Variants in SCFD1 observed in about 807,000 individuals in gnomAD.
SCFD1 encodes the protein sec1 family domain containing 1, also known as sec1 family domain-containing protein 1.
SCFD1 carries 37 observed loss-of-function variants against 103.2 expected under a neutral mutation model. That is an observed-to-expected ratio of 0.36 (90% CI 0.28 to 0.47). The LOEUF (loss-of-function observed/expected upper bound fraction) is 0.47. Ranked by LOEUF, SCFD1 falls within the 20% of genes least tolerant of loss-of-function variation. The pLI is 1.00. For synonymous variants in SCFD1, 264 were observed against 245.0 expected, an observed-to-expected ratio of 1.08 and a Z score of -0.73; for missense variants, 639 against 761.2, an observed-to-expected ratio of 0.84 and a Z score of 1.89.
At chr14:30,652,543 C>A (rs577678765) in intron 9 of SCFD1, among the ~76,000 whole-genome samples, 7 of 152,234 alleles carry the variant, frequency 4.6e-5, no homozygotes, top group African/African-American at 1.7e-4. Flanking sequence ...AACTGTCAAA[C>A]ATTTGTGTAA....
intron 8 of SCFD1, 114 bp downstream of exon 8, chr14:30,649,697 C>A: frequency 2.8e-6 from 2 of 704,536 alleles, no homozygotes; most frequent in Non-Finnish European, 4.8e-6. Context: ...GTTGTAGGTA[C>A]CAATAGCAAA....
chr14:30,734,897 C>G, intron 24 of SCFD1, 39 bp downstream of exon 24: 1 of 1,453,358 alleles, frequency 6.9e-7, no homozygotes, highest in Non-Finnish European at 9.7e-7. Flanking sequence ...GTTAACATAC[C>G]CCTAGTTGCT....
chr14:30,647,126 T>C (rs946371752), intron 7 of SCFD1, among the ~76,000 whole-genome samples: 3 of 152,200 alleles, frequency 2.0e-5, no homozygotes, highest in African/African-American at 7.2e-5. Context: ...TTGTTTAGTA[T>C]CTAATATGTG....
intron 19 of SCFD1, among the ~76,000 whole-genome samples, chr14:30,712,106 C>T: frequency 6.6e-6 from 1 of 150,720 alleles, no homozygotes; most frequent in Middle Eastern, 3.4e-3. Context: ...ATCTTATTCC[C>T]TCTCCTCGTA....
At chr14:30,638,369 C>A in intron 5 of SCFD1, 122 bp downstream of exon 5, 1 of 1,357,970 alleles carries the variant, frequency 7.4e-7, no homozygotes. Flanking sequence ...TGTTTAGGCT[C>A]AATACTTTTA....
intron 23 of SCFD1, among the ~76,000 whole-genome samples, chr14:30,730,549 T>C (rs1893379704): frequency 6.6e-6 from 1 of 152,238 alleles, no homozygotes; most frequent in South Asian, 2.1e-4. Flanking sequence ...ATGATTGCCA[T>C]TCTAACTGGT....
chr14:30,638,386 G>T (rs1387835005), intron 5 of SCFD1, 139 bp downstream of exon 5: 1 of 1,202,084 alleles, frequency 8.3e-7, no homozygotes, highest in Non-Finnish European at 1.1e-6. Flanking sequence ...TTTATAAAGA[G>T]TTCTGATAAT....
intron 23 of SCFD1, among the ~76,000 whole-genome samples, chr14:30,727,583 G>T (rs1893136583): frequency 6.6e-6 from 1 of 152,132 alleles, no homozygotes; most frequent in Non-Finnish European, 1.5e-5. Context: ...TGTAAATATA[G>T]CTAAGAGCAT....
chr14:30,642,715 A>G (rs1384869617), intron 6 of SCFD1, among the ~76,000 whole-genome samples: 1 of 152,118 alleles, frequency 6.6e-6, no homozygotes, highest in East Asian at 1.9e-4. Flanking sequence ...ATGGAATATG[A>G]TATTTATTTT....
intron 15 of SCFD1, among the ~76,000 whole-genome samples, chr14:30,695,196 G>A (rs908614826): frequency 2.0e-5 from 3 of 152,190 alleles, no homozygotes; most frequent in African/African-American, 4.8e-5. Flanking sequence ...GTGTCTCTAA[G>A]TGATTCGCTT....
At chr14:30,673,186 A>G in intron 11 of SCFD1, 71 bp from the exon 12 acceptor site, 1 of 634,600 alleles carries the variant, frequency 1.6e-6, no homozygotes, top group Admixed American at 2.7e-5. Context: ...TTCATTGTAT[A>G]TATTTTAGAA....
At chr14:30,666,966 T>C (rs1888033643) in intron 10 of SCFD1, among the ~76,000 whole-genome samples, 1 of 152,188 alleles carries the variant, frequency 6.6e-6, no homozygotes. Context: ...AGCTGAATTC[T>C]ACCAGAGATA....
At chr14:30,695,696 C>T (rs1890648062) in intron 15 of SCFD1, among the ~76,000 whole-genome samples, 1 of 151,832 alleles carries the variant, frequency 6.6e-6, no homozygotes, top group African/African-American at 2.4e-5. Flanking sequence ...AAGCAAGACC[C>T]CATATACACA....
chr14:30,714,398 T>TA (rs1169795305), intron 19 of SCFD1, among the ~76,000 whole-genome samples: 13 of 148,742 alleles, frequency 8.7e-5, no homozygotes, highest in East Asian at 2.0e-4. Context: ...GAGCCACCTT[T>TA]AAAAAAAAAA....
In SCFD1 at chr14:30,670,333, A is replaced by G. The variant is rs2139202349; in HGVS notation, c.933A>G (p.Arg311=). 1 of 1,596,274 alleles carries G rather than the reference A, an allele frequency of 6.3e-7. No individual in the cohort carries two copies. Among genetic ancestry groups the G allele is most frequent in the Non-Finnish European group, 8.5e-7 (1 of 1,173,420 alleles). ...ENSPAGARPK[R]KNKKSYDLTP... Reference sequence around the variant, plus strand: ...CTCCAGCTGGTGCTAGACCAAAGAGAAAAAACAAGAAGTCTTATGATTTAA... The same window carrying G: ...CTCCAGCTGGTGCTAGACCAAAGAGGAAAAACAAGAAGTCTTATGATTTAA... The change falls in exon 11 of 25, where the codon AGA becomes AGG. Residue 311 remains arginine, a synonymous_variant. Coordinates refer to ENST00000458591, the MANE Select transcript of SCFD1 (RefSeq NM_016106.4).
rs1317989812 is a variant in SCFD1 at position 30,638,244 on chromosome 14, C to A, written c.432C>A (p.Ala144=). The part of the protein sequence containing the change: ...ALAASAVTQV[A]KVFDQYLNFI... ...CAGCTAGTGCAGTAACACAAGTAGCCAAGGTAAGAGAGTTTGGTGGGTTGA... is the reference window on the plus strand; with the variant it reads ...CAGCTAGTGCAGTAACACAAGTAGCAAAGGTAAGAGAGTTTGGTGGGTTGA... The change falls in exon 5 of 25, where the codon GCC becomes GCA. Residue 144 remains alanine (A), a synonymous_variant. Coordinates refer to ENST00000458591, the MANE Select transcript of SCFD1 (RefSeq NM_016106.4). 9.3e-6 allele frequency: 15 copies of A among 1,612,862 alleles called. No homozygotes were observed. The highest frequency in any genetic ancestry group is 2.7e-5 in the African/African-American group (2 of 74,822).
chr14:30,682,345 T>C (rs1889556065), intron 14 of SCFD1, among the ~76,000 whole-genome samples: 1 of 152,210 alleles, frequency 6.6e-6, no homozygotes, highest in Non-Finnish European at 1.5e-5. Flanking sequence ...TCATTGTAGC[T>C]TGGAAACCCA....
At chr14:30,695,510 G>T (rs1214021584) in intron 15 of SCFD1, among the ~76,000 whole-genome samples, 1 of 151,992 alleles carries the variant, frequency 6.6e-6, no homozygotes, top group African/African-American at 2.4e-5. Flanking sequence ...AGGGAGAGAG[G>T]TGGAGGGATG....
intron 10 of SCFD1, among the ~76,000 whole-genome samples, chr14:30,665,747 T>C (rs1355648675): frequency 6.6e-6 from 1 of 151,824 alleles, no homozygotes; most frequent in Admixed American, 6.6e-5. Context: ...GCAATCCTAG[T>C]CTATGATAAA....
Sources: gnomAD v4.1 joint callset for allele counts (sites outside exome capture counted in the v4.1 genomes callset) on GRCh38, gnomAD v4.1.1 for gene constraint, MANE v1.5 for transcripts, NCBI Gene and HGNC (gene_info 2026-07-23, HGNC 2026-07-21) for gene names.